WDR35: variants seen among roughly 807,000 people sequenced by gnomAD.
The protein encoded by WDR35 is WD repeat-containing protein 35.
Under a neutral mutation model 158.3 loss-of-function variants are expected in WDR35, and 118 were observed. That is an observed-to-expected ratio of 0.75 (90% CI 0.64 to 0.87). The LOEUF (loss-of-function observed/expected upper bound fraction) is 0.87, where lower values mean the gene tolerates loss of function less well. Ranked by LOEUF, WDR35 falls within the 40% of genes least tolerant of loss-of-function variation. The pLI is 0.00. For synonymous variants in WDR35, 448 were observed against 476.1 expected (o/e 0.94, Z 0.77); for missense variants, 1,263 against 1,405.8 (o/e 0.90, Z 1.62).
chr2:19,950,665 C>G (rs1013068974), intron 13 of WDR35, among the ~76,000 whole-genome samples: 6 of 151,976 alleles, frequency 3.9e-5, no homozygotes, highest in African/African-American at 1.5e-4. Context: ...AATAGACATT[C>G]AAAAAATACT....
rs1553316752 is a variant in WDR35, at chr2:19,934,074, C to CA, written c.2548-564dup. Among the ~76,000 whole-genome samples, 4 of 137,398 alleles carry CA rather than the reference C, an allele frequency of 2.9e-5. No individual in the cohort carries two copies. The highest frequency in any genetic ancestry group is 2.5e-4 in the South Asian group (1 of 3,970). 90.1% of individuals were successfully genotyped at this position (137,398 alleles called of 152,430 possible). A position where few individuals can be genotyped will look rare whatever the true frequency, so the allele number is the denominator to read the frequency against. On this transcript the variant is annotated intron_variant, in intron 21 of 26. Transcript: ENST00000281405. This position sits in a 1 kb window ranked among gnomAD's most constrained non-coding sequence, Gnocchi z 4.6. ...ACCACCACCACCACCACCACCACCA[C>CA]AAAAAAAAATCCTACTTGTTCAGCT...
chr2:19,938,653 G>A (rs1416738065), intron 17 of WDR35, among the ~76,000 whole-genome samples: 1 of 152,100 alleles, frequency 6.6e-6, no homozygotes, highest in Admixed American at 6.6e-5. Flanking sequence ...ATGGCAGAAG[G>A]GGTCCCTCAC....
At chr2:19,930,163 C>T (rs1198148845) in intron 25 of WDR35, among the ~76,000 whole-genome samples, 1 of 151,640 alleles carries the variant, frequency 6.6e-6, no homozygotes, top group African/African-American at 2.4e-5. Context: ...CATATGAATG[C>T]TATACACATT....
intron 25 of WDR35, among the ~76,000 whole-genome samples, chr2:19,919,754 T>TA (rs934445347): frequency 1.0e-3 from 153 of 151,738 alleles, no homozygotes; most frequent in African/African-American, 3.6e-3. Context: ...CTGAAGGAGA[T>TA]AGAGACACAA....
intron 13 of WDR35, 88 bp from the exon 14 acceptor site, chr2:19,948,305 G>T: frequency 8.1e-7 from 1 of 1,237,846 alleles, no homozygotes; most frequent in Non-Finnish European, 1.2e-6. Context: ...TCACTAAGCA[G>T]TCAATATTTC....
At chr2:19,946,406 C>A in intron 15 of WDR35, 55 bp downstream of exon 15, 1 of 1,405,570 alleles carries the variant, frequency 7.1e-7, no homozygotes, top group Non-Finnish European at 1.0e-6. Context: ...ATCTAACAAT[C>A]CCAACTGATC....
chr2:19,962,581 G>A (rs1671696805), intron 10 of WDR35, among the ~76,000 whole-genome samples: 1 of 151,894 alleles, frequency 6.6e-6, no homozygotes, highest in South Asian at 2.1e-4. Context: ...TTCCTGACTA[G>A]AACAACAATT....
At chr2:19,958,707 A>C (rs975403972) in intron 11 of WDR35, among the ~76,000 whole-genome samples, 6 of 152,222 alleles carry the variant, frequency 3.9e-5, no homozygotes, top group Non-Finnish European at 8.8e-5. Flanking sequence ...ATCTTTAAGA[A>C]GTTCAAAGTC....
intron 11 of WDR35, among the ~76,000 whole-genome samples, chr2:19,956,075 G>A (rs1012006508): frequency 7.2e-5 from 11 of 152,144 alleles, no homozygotes; most frequent in Admixed American, 5.9e-4. Flanking sequence ...CTCCTGCCAG[G>A]TCAGGCTGCG....
At chr2:19,989,451 CTCTAGCA>C (rs1221988825) in intron 1 of WDR35, among the ~76,000 whole-genome samples, 169 bp from the exon 2 acceptor site, 1 of 152,130 alleles carries the variant, frequency 6.6e-6, no homozygotes, top group Non-Finnish European at 1.5e-5. Flanking sequence ...CTGACCCGGG[CTCTAGCA>C]TTTGGGAAAG....
At chr2:19,975,431 C>A (rs1054011018) in intron 6 of WDR35, 99 bp downstream of exon 6, 1 of 1,310,748 alleles carries the variant, frequency 7.6e-7, no homozygotes, top group Non-Finnish European at 1.0e-6. Flanking sequence ...TTTAATTACA[C>A]AAACCGCCAT....
chr2:19,951,107 T>C (rs760869377), intron 13 of WDR35, among the ~76,000 whole-genome samples: 2 of 152,154 alleles, frequency 1.3e-5, no homozygotes, highest in African/African-American at 2.4e-5. Context: ...GGTCAACTGA[T>C]AGACAGATAA....
chr2:19,919,490 C>A (rs1354414621), intron 25 of WDR35, among the ~76,000 whole-genome samples: 2 of 151,196 alleles, frequency 1.3e-5, no homozygotes, highest in Non-Finnish European at 2.9e-5. Context: ...GACTACTGGG[C>A]AAATAACGAA....
chr2:19,974,646 G>T lies in WDR35; in HGVS notation c.571-13C>A, dbSNP rs1252895504. The T allele has an allele frequency of 6.2e-7, 1 of 1,610,176 alleles. No individual in the cohort carries two copies. Among genetic ancestry groups the T allele is most frequent in the South Asian group, 1.1e-5 (1 of 90,600 alleles). ...GTTTCATTTTTATCTAAATAAAATT[G>T]GTTAGGTTTAATATTTTACATTTTA... On this transcript the variant is annotated splice_polypyrimidine_tract_variant and intron_variant, in intron 6 of 26. Transcript: ENST00000281405.
At position 19,914,507 on chromosome 2, in the gene WDR35, T is replaced by C. The variant is rs555923216; in HGVS notation, c.3122-230A>G. 2.6e-5 allele frequency among the ~76,000 whole-genome samples: 4 copies of C among 152,336 alleles called. No individual in the cohort carries two copies. The East Asian group carries it at 7.7e-4, about 29-fold the overall frequency. On this transcript the variant is annotated intron_variant, in intron 25 of 26. Coordinates refer to ENST00000281405, the MANE Select transcript of WDR35 (RefSeq NM_020779.4). Reference sequence around the variant, plus strand: ...TATGAAAAGAACCACCACCAAATGCTGCACATGGCTGTGCCAGCTCAGAAA... The same window carrying C: ...TATGAAAAGAACCACCACCAAATGCCGCACATGGCTGTGCCAGCTCAGAAA...
chr2:19,966,988 T>C (rs1243248424), intron 9 of WDR35, 79 bp from the exon 10 acceptor site: 8 of 1,410,558 alleles, frequency 5.7e-6, no homozygotes, highest in Admixed American at 3.5e-5. Context: ...CAAATCACAT[T>C]ATTTTATTTT....
At chr2:19,931,239 G>A in intron 24 of WDR35, 30 bp downstream of exon 24, 1 of 1,592,216 alleles carries the variant, frequency 6.3e-7, no homozygotes, top group Non-Finnish European at 8.6e-7. Flanking sequence ...CACTTCCAAT[G>A]ATGTAATGTT....
At chr2:19,938,516 G>C in intron 17 of WDR35, 115 bp from the exon 18 acceptor site, 3 of 1,321,692 alleles carry the variant, frequency 2.3e-6, no homozygotes, top group Non-Finnish European at 3.1e-6. Context: ...GCATCATATT[G>C]TGAGCAAAAT....
intron 8 of WDR35, among the ~76,000 whole-genome samples, chr2:19,970,799 C>T (rs1313102124): frequency 6.6e-6 from 1 of 152,188 alleles, no homozygotes; most frequent in East Asian, 1.9e-4. Flanking sequence ...CCTATCCTTA[C>T]TGGTCCTTGT....
Sources: allele counts gnomAD v4.1 joint callset (sites outside exome capture counted in the v4.1 genomes callset), GRCh38; gene constraint gnomAD v4.1.1; non-coding constraint Gnocchi (gnomAD v3.1); transcripts MANE v1.5; gene names NCBI Gene and HGNC (gene_info 2026-07-23, HGNC 2026-07-21).